The following NRXN3 variants were observed in gnomAD, a reference collection of about 807,000 sequenced individuals.
NRXN3 encodes neurexin III.
In NRXN3, 32 loss-of-function variants were observed where a neutral mutation model predicts 137.6. That is an observed-to-expected ratio of 0.23 (90% CI 0.18 to 0.31). The LOEUF (loss-of-function observed/expected upper bound fraction) is 0.31. NRXN3 is among the 10% of genes least tolerant of loss of function. The pLI is 1.00. For synonymous variants in NRXN3, 798 were observed against 784.5 expected (o/e 1.02, Z -0.29); for missense variants, 1,574 against 2,062.5 (o/e 0.76, Z 4.59).
intron 10 of NRXN3, among the ~76,000 whole-genome samples, chr14:78,949,037 A>G (rs1052694477): frequency 2.6e-5 from 4 of 152,240 alleles, no homozygotes; most frequent in African/African-American, 7.2e-5. Context: ...GAGACCACGT[A>G]TGCAAAGCAA....
chr14:78,331,841 C>T (rs191241125), intron 4 of NRXN3, among the ~76,000 whole-genome samples: 14 of 152,280 alleles, frequency 9.2e-5, no homozygotes, highest in East Asian at 7.7e-4. Flanking sequence ...TAGTTTTGTC[C>T]TGAGATCTGG....
intron 15 of NRXN3, among the ~76,000 whole-genome samples, chr14:79,365,586 G>A (rs1808413511): frequency 6.6e-6 from 1 of 150,900 alleles, no homozygotes; most frequent in Non-Finnish European, 1.5e-5. Flanking sequence ...GGGCGCGGTG[G>A]CGGGCGCCTG....
chr14:79,263,406 A>G (rs1002325234), intron 15 of NRXN3, among the ~76,000 whole-genome samples: 1 of 152,192 alleles, frequency 6.6e-6, no homozygotes, highest in African/African-American at 2.4e-5. Flanking sequence ...GTGAAATGAT[A>G]AAATCCGGGG....
chr14:79,354,275 C>T (rs1365444631), intron 15 of NRXN3, among the ~76,000 whole-genome samples: 2 of 152,056 alleles, frequency 1.3e-5, no homozygotes, highest in Admixed American at 6.6e-5. Context: ...CTAAAATACA[C>T]TAGTAAACAC....
At chr14:78,818,209 T>TGA (rs1205213632) in intron 10 of NRXN3, among the ~76,000 whole-genome samples, 2 of 151,202 alleles carry the variant, frequency 1.3e-5, no homozygotes, top group Admixed American at 6.6e-5. Context: ...ACACAAAGAG[T>TGA]GAGAGAGAGA....
At chr14:78,487,790 A>AATAT (rs1272565435) in intron 4 of NRXN3, among the ~76,000 whole-genome samples, 1 of 138,210 alleles carries the variant, frequency 7.2e-6, no homozygotes, top group East Asian at 2.1e-4. Flanking sequence ...TAAATAAATA[A>AATAT]AGATAGATTT....
At chr14:78,736,377 GC>G (rs2098541381) in intron 8 of NRXN3, among the ~76,000 whole-genome samples, 1 of 152,100 alleles carries the variant, frequency 6.6e-6, no homozygotes. Flanking sequence ...AGTTTTCTGA[GC>G]CTTATATTTT....
In NRXN3 at chr14:78,871,555, A is replaced by G. The variant is rs373104108; in HGVS notation, c.2275+61211A>G. Among the ~76,000 whole-genome samples the G allele has an allele frequency of 1.4e-4, 22 of 152,208 alleles. 1 individual carries two copies. The East Asian group carries it at 4.2e-3, about 29-fold the overall frequency. The stretch of plus-strand genomic sequence containing the variant: ...GAGGTGCTACACTGTTGGTTCTCTT[A>G]AAAATTTGTGGCATTATTTAATTCA... On this transcript the variant is annotated intron_variant, in intron 10 of 20. Coordinates refer to ENST00000335750, the MANE Select transcript of NRXN3 (RefSeq NM_001330195.2).
intron 15 of NRXN3, among the ~76,000 whole-genome samples, chr14:79,096,713 G>C (rs376565199): frequency 1.3e-5 from 2 of 151,930 alleles, no homozygotes; most frequent in African/African-American, 4.8e-5. Flanking sequence ...CAGACTCCTG[G>C]CACCATGTTT....
At chr14:78,936,457 A>G (rs1053964714) in intron 10 of NRXN3, among the ~76,000 whole-genome samples, 5 of 152,224 alleles carry the variant, frequency 3.3e-5, no homozygotes, top group Admixed American at 1.3e-4. Context: ...GTATGGTTAC[A>G]TTTATATAAA....
At chr14:78,454,619 C>G (rs1256713837) in intron 4 of NRXN3, among the ~76,000 whole-genome samples, 1 of 152,156 alleles carries the variant, frequency 6.6e-6, no homozygotes, top group Non-Finnish European at 1.5e-5. Context: ...GTGTCTGTCA[C>G]AGAATAGACA....
chr14:78,713,608 C>T (rs533306803), intron 7 of NRXN3, among the ~76,000 whole-genome samples: 2 of 152,236 alleles, frequency 1.3e-5, no homozygotes, highest in South Asian at 4.1e-4. Flanking sequence ...AAGACAAACC[C>T]AAGACTGGAT....
At chr14:78,645,039 G>A (rs968371173) in intron 4 of NRXN3, 81 bp from the exon 5 acceptor site, 8 of 1,250,298 alleles carry the variant, frequency 6.4e-6, no homozygotes, top group African/African-American at 3.0e-5. Flanking sequence ...GTGCCCCTGC[G>A]GTGTGTTCTC....
rs549850818 is a variant in NRXN3 at position 79,567,900 on chromosome 14, A to G, written c.3445-95878A>G. On this transcript the variant is annotated intron_variant, in intron 16 of 20. Coordinates refer to ENST00000335750, the MANE Select transcript of NRXN3 (RefSeq NM_001330195.2). ...CAACTCAGAGGTGAATCACAGATAGACCAGGGTTTTCAGTGTCTTCAAAAC... is the reference window on the plus strand; with the variant it reads ...CAACTCAGAGGTGAATCACAGATAGGCCAGGGTTTTCAGTGTCTTCAAAAC... Among the ~76,000 whole-genome samples the G allele has an allele frequency of 3.3e-5, 5 of 152,256 alleles. No homozygotes were observed. In the East Asian group the frequency reaches 9.7e-4, roughly 29 times the overall value.
chr14:79,274,903 A>T (rs746723576), intron 15 of NRXN3, among the ~76,000 whole-genome samples: 15 of 152,232 alleles, frequency 9.9e-5, no homozygotes, highest in Non-Finnish European at 1.9e-4. Flanking sequence ...CAGAAGCAGT[A>T]TATACATTCT....
intron 1 of NRXN3, among the ~76,000 whole-genome samples, chr14:78,192,368 G>A (rs941663006): frequency 3.9e-5 from 6 of 152,064 alleles, no homozygotes; most frequent in Non-Finnish European, 5.9e-5. Flanking sequence ...GGGGTGGGGT[G>A]CTTATTTATG....
chr14:79,166,626 T>A (rs1038197842), intron 15 of NRXN3, among the ~76,000 whole-genome samples: 1 of 151,590 alleles, frequency 6.6e-6, no homozygotes, highest in East Asian at 1.9e-4. Context: ...TTTTTAGTGC[T>A]GAGACCCAAG....
chr14:79,532,048 C>T (rs1432920875), intron 16 of NRXN3, among the ~76,000 whole-genome samples: 1 of 152,104 alleles, frequency 6.6e-6, no homozygotes, highest in Non-Finnish European at 1.5e-5. Context: ...CATTTCTGGG[C>T]TGAGGCAGTT....
At chr14:78,259,734 A>T (rs150687320) in intron 2 of NRXN3, among the ~76,000 whole-genome samples, 241 of 151,646 alleles carry the variant, frequency 1.6e-3, no homozygotes, top group African/African-American at 5.7e-3. Context: ...TCTGCCTTCA[A>T]CTCTCTAGGA....
Sources: allele counts gnomAD v4.1 joint callset (sites outside exome capture counted in the v4.1 genomes callset), GRCh38; gene constraint gnomAD v4.1.1; transcripts MANE v1.5; gene names NCBI Gene and HGNC (gene_info 2026-07-23, HGNC 2026-07-21).